The following CTNNA2 variants were observed in gnomAD, a reference collection of about 807,000 sequenced individuals.
CTNNA2 encodes the protein catenin alpha-2.
In CTNNA2, 42 loss-of-function variants were observed where a neutral mutation model predicts 101.0. The observed-to-expected ratio is 0.42, with a 90% CI of 0.32 to 0.54. The LOEUF (loss-of-function observed/expected upper bound fraction) is 0.54. Among genes scored for constraint, CTNNA2 ranks in the 20% least tolerant of loss-of-function variants. The pLI, the probability that CTNNA2 is intolerant of heterozygous loss-of-function variation, is 0.14. For missense variants in CTNNA2, 871 were observed against 1,223.1 expected, an observed-to-expected ratio of 0.71 and a Z score of 4.29; for synonymous variants, 450 against 456.4, an observed-to-expected ratio of 0.99 and a Z score of 0.18.
At chr2:80,301,037 A>G (rs1444558624) in intron 7 of CTNNA2, among the ~76,000 whole-genome samples, 11 of 152,016 alleles carry the variant, frequency 7.2e-5, no homozygotes, top group Non-Finnish European at 1.6e-4. Context: ...AATTATTCCC[A>G]TCTCAGAAAT....
intron 1 of CTNNA2, among the ~76,000 whole-genome samples, chr2:79,603,594 G>A (rs190873163): frequency 2.6e-5 from 4 of 152,174 alleles, no homozygotes; most frequent in East Asian, 3.9e-4. Context: ...TGAATACCCC[G>A]TCAGAACAGG....
At chr2:79,340,417 A>G (rs1270463630) in intron 3 of CTNNA2, among the ~76,000 whole-genome samples, 1 of 152,228 alleles carries the variant, frequency 6.6e-6, no homozygotes, top group African/African-American at 2.4e-5. Flanking sequence ...TGGCAGGTGC[A>G]GTAAACTAAG....
chr2:79,585,292 A>G (rs1293524988), intron 1 of CTNNA2, among the ~76,000 whole-genome samples: 2 of 151,928 alleles, frequency 1.3e-5, no homozygotes, highest in African/African-American at 4.8e-5. Context: ...CTTATTTACA[A>G]TTAGGGATAA....
chr2:79,437,300 A>G (rs774353541), intron 4 of CTNNA2, among the ~76,000 whole-genome samples: 41 of 152,156 alleles, frequency 2.7e-4, no homozygotes, highest in Non-Finnish European at 5.3e-4. Flanking sequence ...CTTAAGAAGA[A>G]CTTCTCAAAC....
chr2:79,921,601 G>A (rs1213748855), intron 7 of CTNNA2, among the ~76,000 whole-genome samples: 1 of 152,136 alleles, frequency 6.6e-6, no homozygotes. Context: ...ATTTATAAAA[G>A]GTCATTTTTT....
chr2:80,163,208 A>G (rs1704445304), intron 7 of CTNNA2: 3 of 1,074,316 alleles, frequency 2.8e-6, no homozygotes, highest in Non-Finnish European at 4.3e-6. Flanking sequence ...GTTGCCCACA[A>G]AGAACTAGCT....
chr2:80,173,752 C>T (rs564374136), intron 7 of CTNNA2, among the ~76,000 whole-genome samples: 3 of 152,190 alleles, frequency 2.0e-5, no homozygotes, highest in East Asian at 1.9e-4. Context: ...GGGTGCATGG[C>T]GTCTGCATCA....
At chr2:80,417,535 A>C (rs1447677192) in intron 8 of CTNNA2, among the ~76,000 whole-genome samples, 1 of 151,420 alleles carries the variant, frequency 6.6e-6, no homozygotes, top group East Asian at 1.9e-4. Flanking sequence ...TTCTTATTTT[A>C]TTTGTCTTAT....
intron 7 of CTNNA2, among the ~76,000 whole-genome samples, chr2:80,205,281 A>G (rs1279453016): frequency 6.6e-6 from 1 of 152,216 alleles, no homozygotes; most frequent in Non-Finnish European, 1.5e-5. Context: ...TGAAAAAGAA[A>G]AAAAACCATA....
chr2:79,336,606 T>G (rs1304941149), intron 3 of CTNNA2, among the ~76,000 whole-genome samples: 3 of 152,166 alleles, frequency 2.0e-5, no homozygotes, highest in East Asian at 1.9e-4. Flanking sequence ...TTAATATCCC[T>G]ATTATAGTAC....
intron 9 of CTNNA2, among the ~76,000 whole-genome samples, chr2:80,487,033 C>T (rs1272759397): frequency 1.3e-5 from 2 of 152,020 alleles, no homozygotes; most frequent in East Asian, 3.9e-4. Context: ...TGCCTGTAAT[C>T]CCAGCACTTT....
chr2:79,220,725 A>C (rs1450725250), intron 2 of CTNNA2, among the ~76,000 whole-genome samples: 3 of 152,206 alleles, frequency 2.0e-5, no homozygotes, highest in Admixed American at 6.5e-5. Context: ...AATTGAAAAA[A>C]AGTATCCACC....
chr2:79,501,692 G>C (rs1573195680), intron 4 of CTNNA2, among the ~76,000 whole-genome samples: 1 of 152,238 alleles, frequency 6.6e-6, no homozygotes, highest in East Asian at 1.9e-4. Context: ...GTAGTTTCAG[G>C]GAAGATCACA....
intron 7 of CTNNA2, among the ~76,000 whole-genome samples, chr2:80,261,213 T>C (rs941180993): frequency 2.0e-5 from 3 of 152,208 alleles, no homozygotes; most frequent in South Asian, 2.1e-4. Context: ...AAAATTTAGA[T>C]GTGTATTTGC....
At chr2:79,321,793 GCACACACA>G (rs59806501) in intron 3 of CTNNA2, among the ~76,000 whole-genome samples, 16,193 of 149,106 alleles carry the variant, frequency 0.11, 1,032 homozygotes, top group Middle Eastern at 0.21. Flanking sequence ...CACTGTGTTT[GCACACACA>G]CACACACACA....
intron 2 of CTNNA2, among the ~76,000 whole-genome samples, chr2:79,738,495 C>T (rs1213151647): frequency 1.3e-5 from 2 of 152,104 alleles, no homozygotes; most frequent in African/African-American, 2.4e-5. Flanking sequence ...ATGGTAGTAG[C>T]AGGCTTTTCC....
At chr2:79,525,717 T>C (rs1672366550) in intron 1 of CTNNA2, among the ~76,000 whole-genome samples, 1 of 151,968 alleles carries the variant, frequency 6.6e-6, no homozygotes, top group Non-Finnish European at 1.5e-5. Flanking sequence ...GTATGTGAAA[T>C]TAGTAACAAG....
At chr2:80,512,789 A>G (rs1336653688) in intron 9 of CTNNA2, among the ~76,000 whole-genome samples, 1 of 151,572 alleles carries the variant, frequency 6.6e-6, no homozygotes, top group East Asian at 2.0e-4. Flanking sequence ...TTTTTAAAAC[A>G]TTCTTTCCCC....
At chr2:80,554,484 C>T (rs1218868060) in intron 11 of CTNNA2, among the ~76,000 whole-genome samples, 6 of 152,100 alleles carry the variant, frequency 3.9e-5, no homozygotes, top group Admixed American at 6.5e-5. Context: ...ATTTATGTCT[C>T]ATGGTTCTGG....
Sources: allele counts gnomAD v4.1 joint callset (sites outside exome capture counted in the v4.1 genomes callset), GRCh38; gene constraint gnomAD v4.1.1; transcripts MANE v1.5; gene names NCBI Gene and HGNC (gene_info 2026-07-23, HGNC 2026-07-21).